Variants in TMC3 observed in about 807,000 individuals in gnomAD.
TMC3 encodes transmembrane channel-like protein 3.
In TMC3, 98 loss-of-function variants were observed where a neutral mutation model predicts 110.6. That is an observed-to-expected ratio of 0.89 (90% confidence interval 0.75 to 1.05). The LOEUF (loss-of-function observed/expected upper bound fraction) is 1.05. Among genes scored for constraint, TMC3 ranks in the 50% least tolerant of loss-of-function variants. TMC3 has a pLI of 0.00. For missense variants in TMC3, 1,319 were observed against 1,373.2 expected (o/e 0.96, Z 0.62); for synonymous variants, 489 against 513.1 (o/e 0.95, Z 0.63).
intron 2 of TMC3, among the ~76,000 whole-genome samples, chr15:81,370,480 G>A (rs1170622367): frequency 6.6e-6 from 1 of 152,102 alleles, no homozygotes; most frequent in Non-Finnish European, 1.5e-5. Flanking sequence ...CCATCTTGGG[G>A]CTCTGGATGT....
intron 18 of TMC3, 132 bp from the exon 19 acceptor site, chr15:81,338,056 G>T (rs763204059): frequency 2.9e-6 from 2 of 694,908 alleles, no homozygotes; most frequent in Non-Finnish European, 5.2e-6. Context: ...CTGACCCTCC[G>T]CTAAGGACAA....
rs144461394 is a variant in TMC3 at position 81,355,731 on chromosome 15, T to C, written c.929A>G (p.Lys310Arg). Residue 310 changes from lysine (K) to arginine (R), a missense_variant, in exon 9 of 22, where the codon AAA becomes AGA. By Grantham distance (26) the Lys-to-Arg change is conservative (BLOSUM62 2). Coordinates refer to ENST00000359440, the MANE Select transcript of TMC3 (RefSeq NM_001080532.3). ...GGGGAGTAATAATACCTACAGGTTT[T>C]TGCTTTTCTTTTTCTCCTGTTCTTC... ...ILEEQEKKKSKNLAVTICLRI... is the reference protein window; with the variant it reads ...ILEEQEKKKSRNLAVTICLRI... 3.8e-4 allele frequency: 613 copies of C among 1,598,492 alleles called. 3 individuals carry two copies. The East Asian group carries it at 0.014, about 35-fold the overall frequency.
At chr15:81,333,352 C>T in intron 21 of TMC3, 90 bp from the exon 22 acceptor site, 2 of 1,504,912 alleles carry the variant, frequency 1.3e-6, no homozygotes, top group Non-Finnish European at 1.8e-6. Flanking sequence ...GTTCTCTGAG[C>T]ATTTTCACTG....
At chr15:81,351,873 A>C (rs2141709192) in intron 9 of TMC3, 32 bp from the exon 10 acceptor site, 1 of 1,608,962 alleles carries the variant, frequency 6.2e-7, no homozygotes, top group African/African-American at 1.3e-5. Context: ...AGAACGGTAC[A>C]CAGGGTCCTG....
chr15:81,333,390 T>C (rs1893519320), intron 21 of TMC3, 128 bp from the exon 22 acceptor site: 2 of 1,264,904 alleles, frequency 1.6e-6, no homozygotes, highest in South Asian at 3.0e-5. Context: ...TTAATGGGTA[T>C]GGATTGTGTG....
chr15:81,368,444 A>G, intron 2 of TMC3, 116 bp from the exon 3 acceptor site: 5 of 721,538 alleles, frequency 6.9e-6, no homozygotes, highest in Non-Finnish European at 1.2e-5. Flanking sequence ...ATGATACAGC[A>G]AAAGATGCCA....
chr15:81,331,266 T>C lies in TMC3; in HGVS notation c.*1153A>G, dbSNP rs1192380328. 1 of 152,210 alleles carries C rather than the reference T, an allele frequency of 6.6e-6. No individual in the cohort carries two copies. The highest frequency in any genetic ancestry group is 1.5e-5 in the Non-Finnish European group (1 of 68,034). 9.4% of individuals were successfully genotyped at this position (152,210 alleles called of 1,614,324 possible). On this transcript the variant is annotated 3_prime_UTR_variant, in exon 22 of 22. Coordinates refer to ENST00000359440, the MANE Select transcript of TMC3 (RefSeq NM_001080532.3). ...GAGCAAAGGCAGTTGTTCAGTCTTT[T>C]ACATTTATCTATACTACATGTTCCA... is the stretch of plus-strand genomic sequence containing the variant.
Position 81,349,556 on chromosome 15 carries a change from C to A in TMC3, c.1095G>T (p.Val365=). 6.6e-7 allele frequency: 1 copy of A among 1,525,832 alleles called. No homozygotes were observed. The highest frequency in any genetic ancestry group is 1.3e-5 in the South Asian group (1 of 77,056). 94.5% of individuals were successfully genotyped at this position (1,525,832 alleles called of 1,614,324 possible). ...GTGCTATCATGGTGACGAGGGAGACCACCACACTGACCTGCTGAGAGAGCA... is the reference window on the plus strand; with the variant it reads ...GTGCTATCATGGTGACGAGGGAGACAACCACACTGACCTGCTGAGAGAGCA... ...TLWEKNEVSV[V]VSLVTMIAPS... Residue 365 remains valine, a synonymous_variant, in exon 11 of 22, where the codon GTG becomes GTT. Transcript: ENST00000359440.
chr15:81,369,560 T>C (rs1453379032), intron 2 of TMC3, among the ~76,000 whole-genome samples: 2 of 152,198 alleles, frequency 1.3e-5, no homozygotes, highest in Non-Finnish European at 2.9e-5. Flanking sequence ...TTTTATTTTT[T>C]TCTGAAAATA....
chr15:81,344,999 T>C lies in TMC3; in HGVS notation c.1285A>G (p.Lys429Glu). Reference protein sequence around the residue: ...NSMSIEEMATKNNTSHWIDST... With the variant: ...NSMSIEEMATENNTSHWIDST... Reference sequence around the variant, plus strand: ...TCTATCCAATGACTTGTGTTATTTTTGGTAGCCATTTCCTGGGGAGAGAGA... The same window carrying C: ...TCTATCCAATGACTTGTGTTATTTTCGGTAGCCATTTCCTGGGGAGAGAGA... The change falls in exon 13 of 22, where the codon AAA becomes GAA. Residue 429 changes from lysine (K) to glutamate (E), a missense_variant. Transcript: ENST00000359440. 6.3e-7 allele frequency: 1 copy of C among 1,576,906 alleles called. No homozygotes were observed. Among genetic ancestry groups the C allele is most frequent in the South Asian group, 1.2e-5 (1 of 86,364 alleles).
Position 81,372,636 on chromosome 15 carries a change from A to C in TMC3, c.191T>G (p.Ile64Ser), listed in dbSNP as rs765383955. ...TCCCATAGTCCAGGGTCTGCAGCGA[A>C]TGTTTGCCATGAGATCTTTCTGGAA... ...IQFQKDLMAN[I>S]RCRPWTMGQK... The change falls in exon 2 of 22, where the codon ATT (isoleucine) becomes AGT (serine). Residue 64 changes from isoleucine (I) to serine (S), a missense_variant. Physicochemically the swap from Ile to Ser is moderately radical, Grantham distance 142. Coordinates refer to ENST00000359440, the MANE Select transcript of TMC3 (RefSeq NM_001080532.3). 8.1e-6 allele frequency: 13 copies of C among 1,613,864 alleles called. No homozygotes were observed. The highest frequency in any genetic ancestry group is 1.7e-4 in the Middle Eastern group (1 of 5,984).
At chr15:81,350,402 A>T (rs1284525870) in intron 10 of TMC3, among the ~76,000 whole-genome samples, 1 of 150,948 alleles carries the variant, frequency 6.6e-6, no homozygotes, top group Admixed American at 6.5e-5. Flanking sequence ...TACATGGAAG[A>T]TTAATTATCT....
intron 21 of TMC3, among the ~76,000 whole-genome samples, chr15:81,333,946 C>A (rs1893532528): frequency 6.6e-6 from 1 of 151,574 alleles, no homozygotes; most frequent in African/African-American, 2.4e-5. Context: ...GTCGAGATTG[C>A]ACCACTGCAC....
chr15:81,351,599 GC>G, intron 10 of TMC3, 94 bp downstream of exon 10: 9 of 1,456,106 alleles, frequency 6.2e-6, no homozygotes, highest in Non-Finnish European at 8.4e-6. Context: ...TGATCCACCT[GC>G]CCCAGCCTCC....
At chr15:81,341,261 G>A in intron 16 of TMC3, 129 bp downstream of exon 16, 1 of 990,508 alleles carries the variant, frequency 1.0e-6, no homozygotes, top group Non-Finnish European at 1.4e-6. Context: ...CAAAATTGGA[G>A]GACAGGCAAG....
At chr15:81,343,815 G>A (rs557673007) in intron 14 of TMC3, 102 bp downstream of exon 14, 243 of 1,289,548 alleles carry the variant, frequency 1.9e-4, no homozygotes, top group East Asian at 9.2e-4. Flanking sequence ...TTCTCTTTCC[G>A]TGTGTCCCCC....
chr15:81,362,284 A>G lies in TMC3; in HGVS notation c.330T>C (p.Ala110=), dbSNP rs1178374646. The G allele has an allele frequency of 6.2e-7, 1 of 1,612,444 alleles. No homozygotes were observed. Among genetic ancestry groups the G allele is most frequent in the Admixed American group, 1.7e-5 (1 of 59,864 alleles). ...TGACCACAAAGTTACAGGCGAGACG[A>G]GCAAATTTCCGCCAGAGCTAGACAA... ...AAGAELWRKF[A]RLACNFVVIF... The change falls in exon 4 of 22, where the codon GCT becomes GCC. Residue 110 remains alanine, a synonymous_variant. Coordinates refer to ENST00000359440, the MANE Select transcript of TMC3 (RefSeq NM_001080532.3).
chr15:81,368,419 A>G (rs189641168), intron 2 of TMC3, 91 bp from the exon 3 acceptor site: 10 of 915,822 alleles, frequency 1.1e-5, no homozygotes, highest in African/African-American at 6.5e-5. Flanking sequence ...ATAGGTTGCC[A>G]TCTTGTCCTG....
intron 4 of TMC3, among the ~76,000 whole-genome samples, chr15:81,360,104 T>TA (rs552268755): frequency 1.6e-3 from 227 of 145,604 alleles, no homozygotes; most frequent in Middle Eastern, 3.6e-3. Flanking sequence ...TTTATGTCAT[T>TA]AAAAAAAAAA....
Sources: allele counts gnomAD v4.1 joint callset (sites outside exome capture counted in the v4.1 genomes callset), GRCh38; gene constraint gnomAD v4.1.1; transcripts MANE v1.5; gene names NCBI Gene and HGNC (gene_info 2026-07-23, HGNC 2026-07-21).